Variants in GLOD4 observed in about 807,000 individuals in gnomAD.
GLOD4 encodes glyoxalase domain-containing protein 4.
GLOD4 carries 44 observed loss-of-function variants against 39.1 expected under a neutral mutation model. That is an observed-to-expected ratio of 1.13 (90% CI 0.88 to 1.45). The LOEUF is 1.45. Among genes scored for constraint, GLOD4 ranks in the 40% most tolerant of loss-of-function variants. The pLI, the probability that GLOD4 is intolerant of heterozygous loss-of-function variation, is 0.00. For synonymous variants in GLOD4, 145 were observed against 135.0 expected, an observed-to-expected ratio of 1.07 and a Z score of -0.52; for missense variants, 405 against 366.4, an observed-to-expected ratio of 1.11 and a Z score of -0.86.
At chr17:762,102 T>G (rs931271063) in intron 8 of GLOD4, among the ~76,000 whole-genome samples, 1 of 152,158 alleles carries the variant, frequency 6.6e-6, no homozygotes, top group African/African-American at 2.4e-5. Flanking sequence ...AGACCGTAAG[T>G]TGACAATGAG....
intron 2 of GLOD4, chr17:778,400 A>C (rs1409110983): frequency 2.0e-6 from 1 of 499,842 alleles, no homozygotes. Flanking sequence ...CTGGTGTTAG[A>C]GAGCTGGAGA....
intron 2 of GLOD4, among the ~76,000 whole-genome samples, chr17:778,079 C>G (rs935749489): frequency 6.6e-6 from 1 of 152,218 alleles, no homozygotes. Context: ...GCCACCCACT[C>G]CCCATGCCCT....
chr17:782,699 T>C (rs1235115248), upstream of GLOD4: 16 of 1,593,104 alleles, frequency 1.0e-5, no homozygotes, highest in Non-Finnish European at 1.4e-5. Context: ...TGAGGTGATG[T>C]GGTTCTTGAG....
chr17:763,181 T>TAA (rs61285863), intron 8 of GLOD4, among the ~76,000 whole-genome samples: 70 of 121,902 alleles, frequency 5.7e-4, no homozygotes, highest in Admixed American at 1.8e-3. Flanking sequence ...AGACTCCGTC[T>TAA]AAAAAAAAAA....
chr17:783,349 C>T (rs777926619), upstream of GLOD4: 150 of 1,325,398 alleles, frequency 1.1e-4, no homozygotes, highest in Admixed American at 5.1e-4. Flanking sequence ...CCCAGTGTAT[C>T]TTTTTTTTTT....
At chr17:780,787 A>G (rs2144487426) in intron 1 of GLOD4, 1 of 153,532 alleles carries the variant, frequency 6.5e-6, no homozygotes, top group Admixed American at 6.6e-5. Context: ...CAAGGTCTAC[A>G]TGAATTATTT....
chr17:773,566 T>C (rs1185737704), intron 4 of GLOD4, among the ~76,000 whole-genome samples: 6 of 152,166 alleles, frequency 3.9e-5, no homozygotes, highest in Non-Finnish European at 8.8e-5. Context: ...TTGATTATTT[T>C]GTAAAAAGAA....
At chr17:770,189 G>A in intron 6 of GLOD4, 32 bp from the exon 7 acceptor site, 2 of 1,180,836 alleles carry the variant, frequency 1.7e-6, no homozygotes, top group Non-Finnish European at 2.5e-6. Flanking sequence ...GTGAGCCAGG[G>A]GTCACACACT....
upstream of GLOD4, chr17:783,010 G>T: frequency 6.5e-7 from 1 of 1,531,940 alleles, no homozygotes; most frequent in Non-Finnish European, 8.7e-7. Flanking sequence ...CTTTATTTCT[G>T]TTACAACTAA....
At chr17:780,185 A>C (rs186357514) in intron 1 of GLOD4, among the ~76,000 whole-genome samples, 5 of 152,274 alleles carry the variant, frequency 3.3e-5, no homozygotes, top group Admixed American at 3.3e-4. Context: ...AATAAAAAAT[A>C]AAAAATAAAA....
chr17:762,736 G>A (rs1018499796), intron 8 of GLOD4, among the ~76,000 whole-genome samples: 2 of 151,830 alleles, frequency 1.3e-5, no homozygotes, highest in African/African-American at 4.8e-5. Context: ...GGATGAAGGG[G>A]AATAATTTCA....
intron 8 of GLOD4, among the ~76,000 whole-genome samples, chr17:768,154 G>A (rs1292500662): frequency 6.7e-6 from 1 of 148,782 alleles, no homozygotes; most frequent in Non-Finnish European, 1.5e-5. Context: ...GAAGAAATCT[G>A]GAGAGGACGT....
At chr17:782,438 G>A, upstream of GLOD4, 1 of 1,614,002 alleles carries the variant, frequency 6.2e-7, no homozygotes, top group Non-Finnish European at 8.5e-7. Flanking sequence ...AGGTGGTCCA[G>A]GCTTGGGACC....
At chr17:769,567 A>G (rs1012540182) in intron 8 of GLOD4, among the ~76,000 whole-genome samples, 1 of 151,050 alleles carries the variant, frequency 6.6e-6, no homozygotes, top group East Asian at 2.0e-4. Flanking sequence ...AGGCATCTCC[A>G]TGGGGAGAGC....
At chr17:765,723 T>C (rs1044525520) in intron 8 of GLOD4, among the ~76,000 whole-genome samples, 3 of 151,056 alleles carry the variant, frequency 2.0e-5, no homozygotes, top group South Asian at 2.1e-4. Context: ...GGGTTACAGG[T>C]GTGAGCCACC....
At chr17:785,049 A>G (rs1910472223), upstream of GLOD4, among the ~76,000 whole-genome samples, 1 of 152,222 alleles carries the variant, frequency 6.6e-6, no homozygotes, top group South Asian at 2.1e-4. Context: ...TAGCAATCAT[A>G]TACGACAAAA....
rs139568005 is a variant in GLOD4 at position 778,607 on chromosome 17, C to G, written c.140+88G>C. On this transcript the variant is annotated intron_variant, in intron 2 of 8. Coordinates refer to ENST00000301329, the MANE Select transcript of GLOD4 (RefSeq NM_016080.4). ...TTTACTGCCTCCTTAATTAATTCCA[C>G]TGCTTTATACTCACTTTGAGAAACT... is the stretch of plus-strand genomic sequence containing the variant. The G allele has an allele frequency of 8.5e-3, 7,170 of 848,472 alleles. 57 individuals are homozygous for G. Among genetic ancestry groups the G allele is most frequent in the Middle Eastern group, 0.017 (78 of 4,494 alleles). The allele number at this position is 848,472 out of a possible 1,614,324, so 52.6% of individuals were successfully genotyped here. A position where few individuals can be genotyped will look rare whatever the true frequency, so the allele number is the denominator to read the frequency against.
chr17:767,995 G>T (rs575055964), intron 8 of GLOD4, among the ~76,000 whole-genome samples: 2 of 142,592 alleles, frequency 1.4e-5, no homozygotes, highest in South Asian at 4.6e-4. Flanking sequence ...TGGAGAGGAC[G>T]TGAGAGAGAG....
upstream of GLOD4, chr17:782,287 CGTACAGCCCA>C (rs1567797362): frequency 6.2e-7 from 1 of 1,612,024 alleles, no homozygotes; most frequent in Admixed American, 1.7e-5. Flanking sequence ...TCACGCGCAC[CGTACAGCCCA>C]GTCCACGAAG....
Sources: gnomAD v4.1 joint callset for allele counts (sites outside exome capture counted in the v4.1 genomes callset) on GRCh38, gnomAD v4.1.1 for gene constraint, MANE v1.5 for transcripts, NCBI Gene and HGNC (gene_info 2026-07-23, HGNC 2026-07-21) for gene names.